Variants in CAPZA2 observed in about 807,000 individuals in gnomAD.
CAPZA2 encodes F-actin-capping protein subunit alpha-2.
Under a neutral mutation model 44.0 loss-of-function variants are expected in CAPZA2, and 13 were observed. The observed-to-expected ratio is 0.30, with a 90% CI of 0.19 to 0.47. CAPZA2 has a LOEUF of 0.47. Among genes scored for constraint, CAPZA2 ranks in the 20% least tolerant of loss-of-function variants. CAPZA2 has a pLI of 1.00. For missense variants in CAPZA2, 244 were observed against 338.6 expected (o/e 0.72, Z 2.19); for synonymous variants, 94 against 108.2 (o/e 0.87, Z 0.81).
intron 1 of CAPZA2, among the ~76,000 whole-genome samples, chr7:116,867,708 T>C (rs1419336470): frequency 6.6e-6 from 1 of 151,734 alleles, no homozygotes; most frequent in Non-Finnish European, 1.5e-5. Context: ...CTTAGCCTCC[T>C]GAGTAGCTGG....
chr7:116,905,212 T>G (rs1045591269), intron 5 of CAPZA2, among the ~76,000 whole-genome samples: 1 of 151,934 alleles, frequency 6.6e-6, no homozygotes, highest in Non-Finnish European at 1.5e-5. Flanking sequence ...TTTTAAAAAT[T>G]TCATAATATT....
In CAPZA2 at chr7:116,920,490, G is replaced by A. The variant is rs1404070823; in HGVS notation, c.*2623G>A. The stretch of plus-strand genomic sequence containing the variant: ...TGCTGTAGAGGTGGTATAAAGCAGT[G>A]AGGTCTAGGTATATCCTAAAGGTAA... On this transcript the variant is annotated 3_prime_UTR_variant, in exon 10 of 10. Coordinates refer to ENST00000361183, the MANE Select transcript of CAPZA2 (RefSeq NM_006136.3). The A allele has an allele frequency of 2.0e-5, 3 of 152,276 alleles. No individual in the cohort carries two copies. The highest frequency in any genetic ancestry group is 2.9e-5 in the Non-Finnish European group (2 of 68,142). 9.4% of individuals were successfully genotyped at this position (152,276 alleles called of 1,614,324 possible). A position where few individuals can be genotyped will look rare whatever the true frequency, so the allele number is the denominator to read the frequency against.
intron 1 of CAPZA2, chr7:116,885,923 C>A (rs1247579845): frequency 1.3e-5 from 2 of 153,578 alleles, no homozygotes; most frequent in Non-Finnish European, 2.9e-5. Flanking sequence ...TTCAGCCCTT[C>A]TCCCCTCCCT....
rs946767078 is a variant in CAPZA2, at chr7:116,918,843, G to T, written c.*976G>T. On this transcript the variant is annotated 3_prime_UTR_variant, in exon 10 of 10. Coordinates refer to ENST00000361183, the MANE Select transcript of CAPZA2 (RefSeq NM_006136.3). ...ATTAGAAAAGCTGGGATTACATATG[G>T]TGTGCGGTTACAGTCTAAATTTTTT... 1 of 152,090 alleles carries T rather than the reference G, an allele frequency of 6.6e-6. No homozygotes were observed. The highest frequency in any genetic ancestry group is 2.1e-4 in the South Asian group (1 of 4,824). The allele number at this position is 152,090 out of a possible 1,614,324, so 9.4% of individuals were successfully genotyped here.
chr7:116,881,333 TA>T (rs1202731089), intron 1 of CAPZA2, among the ~76,000 whole-genome samples: 1 of 152,038 alleles, frequency 6.6e-6, no homozygotes, highest in Non-Finnish European at 1.5e-5. Flanking sequence ...AGCAAAACTT[TA>T]AAGTTAGAAA....
At chr7:116,915,195 T>G (rs1006133650) in intron 8 of CAPZA2, among the ~76,000 whole-genome samples, 2 of 152,078 alleles carry the variant, frequency 1.3e-5, no homozygotes, top group African/African-American at 4.8e-5. Flanking sequence ...TCCAGCTATT[T>G]GGGTGGCTGA....
chr7:116,919,604 A>T lies in CAPZA2; in HGVS notation c.*1737A>T, dbSNP rs1317964367. The T allele has an allele frequency of 6.8e-6, 1 of 147,502 alleles. No homozygotes were observed. Among genetic ancestry groups the T allele is most frequent in the African/African-American group, 2.7e-5 (1 of 36,908 alleles). The allele number at this position is 147,502 out of a possible 1,614,324, so 9.1% of individuals were successfully genotyped here. A position where few individuals can be genotyped will look rare whatever the true frequency, so the allele number is the denominator to read the frequency against. On this transcript the variant is annotated 3_prime_UTR_variant, in exon 10 of 10. Coordinates refer to ENST00000361183, the MANE Select transcript of CAPZA2 (RefSeq NM_006136.3). ...GAACAGGCTGGGCGCGGTGGCTCAC[A>T]TCTGTAATCCCAGCACTTTGGGAGG...
chr7:116,919,102 T>C lies in CAPZA2; in HGVS notation c.*1235T>C, dbSNP rs1791726301. On this transcript the variant is annotated 3_prime_UTR_variant, in exon 10 of 10. Transcript: ENST00000361183. ...TTTTTTATTTTATTTTATTGTTTTT[T>C]TTTTTAGAAAAACACCACTTTTATT... 1 of 152,092 alleles carries C rather than the reference T, an allele frequency of 6.6e-6. No individual in the cohort carries two copies. Among genetic ancestry groups the C allele is most frequent in the Non-Finnish European group, 1.5e-5 (1 of 67,920 alleles). 9.4% of individuals were successfully genotyped at this position (152,092 alleles called of 1,614,324 possible).
intron 2 of CAPZA2, among the ~76,000 whole-genome samples, chr7:116,891,738 C>G (rs997053974): frequency 1.3e-5 from 2 of 152,122 alleles, no homozygotes; most frequent in South Asian, 4.1e-4. Context: ...GTCTTGATCT[C>G]CTGACCTCGT....
At chr7:116,885,720 A>AAG (rs1359225667) in intron 1 of CAPZA2, among the ~76,000 whole-genome samples, 1 of 152,158 alleles carries the variant, frequency 6.6e-6, no homozygotes, top group Non-Finnish European at 1.5e-5. Context: ...GATACAGATG[A>AAG]AGAGATGCAT....
intron 4 of CAPZA2, among the ~76,000 whole-genome samples, chr7:116,903,253 T>A (rs1797019147): frequency 6.6e-6 from 1 of 151,922 alleles, no homozygotes; most frequent in Non-Finnish European, 1.5e-5. Flanking sequence ...TGTGTGTGTG[T>A]GTGTGTGTGT....
chr7:116,871,414 A>G (rs929482090), intron 1 of CAPZA2, among the ~76,000 whole-genome samples: 2 of 152,236 alleles, frequency 1.3e-5, no homozygotes, highest in African/African-American at 4.8e-5. Flanking sequence ...GGACTTTAAC[A>G]TGTATTCTCT....
Position 116,885,388 on chromosome 7 carries a change from A to C in CAPZA2, c.40-2739A>C, listed in dbSNP as rs777288128. On this transcript the variant is annotated intron_variant, in intron 1 of 9. Transcript: ENST00000361183. ...TCAACACAGAACACTTCTGTGACCC[A>C]GTGTTTGGTGGGGAGAGGTGGGAGT... Among the ~76,000 whole-genome samples, 5 of 151,838 alleles carry C rather than the reference A, an allele frequency of 3.3e-5. 1 individual carries two copies. Among genetic ancestry groups the C allele is most frequent in the South Asian group, 2.1e-4 (1 of 4,812 alleles).
rs988651824 is a variant in CAPZA2 at position 116,919,347 on chromosome 7, A to G, written c.*1480A>G. ...TAAAGAAAATGAATTGGTAACATTA[A>G]TTATCTGTTCCTTTTTAAAATATAT... On this transcript the variant is annotated 3_prime_UTR_variant, in exon 10 of 10. Transcript: ENST00000361183. The G allele has an allele frequency of 6.6e-6, 1 of 152,430 alleles. No homozygotes were observed. Among genetic ancestry groups the G allele is most frequent in the African/African-American group, 2.4e-5 (1 of 41,386 alleles). 9.4% of individuals were successfully genotyped at this position (152,430 alleles called of 1,614,324 possible).
intron 7 of CAPZA2, among the ~76,000 whole-genome samples, chr7:116,910,530 A>G (rs531282623): frequency 6.6e-6 from 1 of 152,330 alleles, no homozygotes; most frequent in East Asian, 1.9e-4. Flanking sequence ...GACAGATTAT[A>G]AAACACAGCT....
intron 1 of CAPZA2, chr7:116,873,694 T>C (rs969383814): frequency 6.4e-6 from 1 of 156,528 alleles, no homozygotes; most frequent in Non-Finnish European, 1.4e-5. Flanking sequence ...ACTCTCACGT[T>C]GTACCCTCAT....
At chr7:116,862,963 C>A (rs1267750189) in intron 1 of CAPZA2, among the ~76,000 whole-genome samples, 2 of 152,026 alleles carry the variant, frequency 1.3e-5, no homozygotes, top group Non-Finnish European at 2.9e-5. Context: ...TGCCCAGGAC[C>A]CTCTCCTGCT....
intron 1 of CAPZA2, among the ~76,000 whole-genome samples, chr7:116,872,162 G>GA (rs758417558): frequency 2.3e-4 from 35 of 152,162 alleles, no homozygotes; most frequent in Admixed American, 5.9e-4. Flanking sequence ...AAACAAAAGA[G>GA]AAAAATATGT....
intron 1 of CAPZA2, among the ~76,000 whole-genome samples, chr7:116,869,180 G>T (rs1796518757): frequency 6.6e-6 from 1 of 152,186 alleles, no homozygotes; most frequent in African/African-American, 2.4e-5. Flanking sequence ...GCAATAATTT[G>T]TTAAATAGGA....
Sources: gnomAD v4.1 joint callset for allele counts (sites outside exome capture counted in the v4.1 genomes callset) on GRCh38, gnomAD v4.1.1 for gene constraint, MANE v1.5 for transcripts, NCBI Gene and HGNC (gene_info 2026-07-23, HGNC 2026-07-21) for gene names.